Variants in DMD observed in about 807,000 individuals in gnomAD.
The protein encoded by DMD is dystrophin.
DMD carries 63 observed loss-of-function variants against 330.1 expected under a neutral mutation model. The ratio of observed to expected loss-of-function variants is 0.19; its 90% CI spans 0.16 to 0.24. The LOEUF (loss-of-function observed/expected upper bound fraction) is 0.24, where lower values mean the gene tolerates loss of function less well. Ranked by LOEUF, DMD falls within the 10% of genes least tolerant of loss-of-function variation. DMD has a pLI of 1.00. For missense variants in DMD, 3,344 were observed against 2,684.1 expected, an observed-to-expected ratio of 1.25 and a Z score of -5.43; for synonymous variants, 1,223 against 959.8, an observed-to-expected ratio of 1.27 and a Z score of -5.07.
In DMD at chrX:31,146,401, G is replaced by T; in HGVS notation, c.10811C>A (p.Ala3604Asp). ...GGACACCGTTGTGCCATTCACTTTG[G>T]CCTCTGCCTGGGGCTAAGTCATCCA... ...RQLLEQPQAE[A>D]KVNGTTVSSP... is the part of the protein sequence containing the mutation. Residue 3604 changes from alanine to aspartate, a missense_variant, in exon 76 of 79, where the codon GCC becomes GAC. Coordinates refer to ENST00000357033, the MANE Select transcript of DMD (RefSeq NM_004006.3). The T allele has an allele frequency of 8.3e-7, 1 of 1,210,092 alleles. No homozygotes were observed. Among genetic ancestry groups the T allele is most frequent in the Non-Finnish European group, 1.1e-6 (1 of 894,318 alleles).
chrX:32,348,141 G>A (rs763119900), intron 38 of DMD, among the ~76,000 whole-genome samples: 1 of 109,894 alleles, frequency 9.1e-6, no homozygotes, highest in East Asian at 2.9e-4. Context: ...ATTACATTTT[G>A]CCCTTGATAA....
chrX:32,034,921 A>T (rs1246262228), intron 44 of DMD, among the ~76,000 whole-genome samples: 1 of 112,109 alleles, frequency 8.9e-6, no homozygotes, highest in East Asian at 2.8e-4. Flanking sequence ...AGGAACTGTG[A>T]CAAAAAGAAA....
intron 21 of DMD, among the ~76,000 whole-genome samples, chrX:32,476,212 T>C (rs2041220974): frequency 9.0e-6 from 1 of 111,420 alleles, no homozygotes; most frequent in Non-Finnish European, 1.9e-5. Flanking sequence ...TAATGAAAAC[T>C]GAAACACTTC....
At chrX:32,623,364 T>C (rs1449594159) in intron 11 of DMD, among the ~76,000 whole-genome samples, 1 of 111,210 alleles carries the variant, frequency 9.0e-6, no homozygotes, top group Non-Finnish European at 1.9e-5. Flanking sequence ...GACACAAATG[T>C]CCTTTTTCCC....
intron 78 of DMD, among the ~76,000 whole-genome samples, chrX:31,124,695 T>C (rs1341419664): frequency 1.8e-5 from 2 of 112,103 alleles, no homozygotes; most frequent in Non-Finnish European, 3.8e-5. Context: ...AGGGCAGTTG[T>C]ATGTTTTTCA....
chrX:31,639,756 G>A (rs1303293373), intron 54 of DMD, among the ~76,000 whole-genome samples: 2 of 110,910 alleles, frequency 1.8e-5, no homozygotes, highest in Non-Finnish European at 3.8e-5. Flanking sequence ...ATAGAGTTAC[G>A]GCATCATTTA....
At chrX:32,096,108 G>A (rs1392931397) in intron 44 of DMD, among the ~76,000 whole-genome samples, 1 of 111,567 alleles carries the variant, frequency 9.0e-6, no homozygotes, top group Non-Finnish European at 1.9e-5. Flanking sequence ...CATGTGTCAT[G>A]TGCAATCCAA....
intron 30 of DMD, among the ~76,000 whole-genome samples, chrX:32,396,393 G>C (rs955912858): frequency 2.7e-5 from 3 of 111,253 alleles, no homozygotes; most frequent in African/African-American, 9.8e-5. Context: ...GGCATTTCTA[G>C]TGAAATTCGC....
At chrX:33,260,417 A>G (rs1473468909) in intron 1 of DMD, among the ~76,000 whole-genome samples, 3 of 111,720 alleles carry the variant, frequency 2.7e-5, no homozygotes, top group Non-Finnish European at 5.7e-5. Flanking sequence ...TTTCAGTAAC[A>G]TAGACAACAG....
chrX:31,758,596 CTA>C (rs2089322549), intron 51 of DMD, among the ~76,000 whole-genome samples: 1 of 111,513 alleles, frequency 9.0e-6, no homozygotes, highest in African/African-American at 3.3e-5. Context: ...AGACACTATA[CTA>C]CCATTGCCCT....
chrX:32,393,753 A>G (rs1366639009), intron 30 of DMD, among the ~76,000 whole-genome samples: 2 of 111,464 alleles, frequency 1.8e-5, no homozygotes, highest in Non-Finnish European at 3.8e-5. Flanking sequence ...ATAAAGAGAA[A>G]GAACAGTCAA....
intron 1 of DMD, among the ~76,000 whole-genome samples, chrX:33,060,837 CAAAAAAAA>C (rs5902049): frequency 1.6e-5 from 1 of 62,945 alleles, no homozygotes. Flanking sequence ...AACTTCATTT[CAAAAAAAA>C]AAAAAAAAAA....
Position 31,412,736 on chromosome X carries a change from C to T in DMD, c.9084+31745G>A, listed in dbSNP as rs143211947. Among the ~76,000 whole-genome samples the T allele has an allele frequency of 7.2e-3, 806 of 112,214 alleles. 5 individuals carry two copies. Among genetic ancestry groups the T allele is most frequent in the African/African-American group, 0.024 (751 of 30,914 alleles). On this transcript the variant is annotated intron_variant, in intron 60 of 78. Transcript: ENST00000357033. ...TTGTACATGAGAGAGACCTACATTT[C>T]TCTATTGTTTAAGCTATTGTTACAG...
chrX:32,128,645 T>A (rs765835078), intron 44 of DMD, among the ~76,000 whole-genome samples: 150 of 111,941 alleles, frequency 1.3e-3, no homozygotes, highest in Non-Finnish European at 1.6e-3. Flanking sequence ...TCTGGAGAAA[T>A]TTTCATGATG....
chrX:32,663,635 C>G (rs1184553381), intron 9 of DMD, among the ~76,000 whole-genome samples: 1 of 111,297 alleles, frequency 9.0e-6, no homozygotes, highest in Non-Finnish European at 1.9e-5. Context: ...CTATTTTAGG[C>G]AATGATGATA....
At chrX:31,776,721 G>C (rs1051190736) in intron 50 of DMD, among the ~76,000 whole-genome samples, 3 of 109,406 alleles carry the variant, frequency 2.7e-5, no homozygotes, top group Admixed American at 1.9e-4. Flanking sequence ...AAGGAGGAAG[G>C]AATCTATTGG....
chrX:32,789,771 C>T (rs2075682750), intron 7 of DMD, among the ~76,000 whole-genome samples: 1 of 111,581 alleles, frequency 9.0e-6, no homozygotes, highest in Admixed American at 9.6e-5. Flanking sequence ...AACATGACTG[C>T]CCTACTTAAA....
intron 63 of DMD, among the ~76,000 whole-genome samples, chrX:31,240,013 T>C (rs1358294105): frequency 8.9e-6 from 1 of 111,989 alleles, no homozygotes; most frequent in Non-Finnish European, 1.9e-5. Flanking sequence ...TTTTGTTTGC[T>C]TCTGAAGTCA....
Position 31,613,518 on chromosome X carries a change from T to G in DMD, c.8217+14155A>C, listed in dbSNP as rs759905514. Among the ~76,000 whole-genome samples the G allele has an allele frequency of 8.1e-5, 9 of 111,685 alleles. No homozygotes were observed. In the Admixed American group the frequency reaches 8.6e-4, roughly 11 times the overall value. Reference sequence around the variant, plus strand: ...CTGAAACAGGGATAAGCAAGCCCCATTGAACCTTGAGCAAACTGTAGATTC... The same window carrying G: ...CTGAAACAGGGATAAGCAAGCCCCAGTGAACCTTGAGCAAACTGTAGATTC... On this transcript the variant is annotated intron_variant, in intron 55 of 78. Coordinates refer to ENST00000357033, the MANE Select transcript of DMD (RefSeq NM_004006.3).
Sources: gnomAD v4.1 joint callset for allele counts (sites outside exome capture counted in the v4.1 genomes callset) on GRCh38, gnomAD v4.1.1 for gene constraint, MANE v1.5 for transcripts, NCBI Gene and HGNC (gene_info 2026-07-23, HGNC 2026-07-21) for gene names.